The following SYT1 variants were observed in gnomAD, a reference collection of about 807,000 sequenced individuals.
SYT1 encodes synaptotagmin-1.
SYT1 carries 8 observed loss-of-function variants against 44.8 expected under a neutral mutation model. The ratio of observed to expected loss-of-function variants is 0.18; its 90% CI spans 0.10 to 0.32. SYT1 has a LOEUF of 0.32. Ranked by LOEUF, SYT1 falls within the 10% of genes least tolerant of loss-of-function variation. SYT1 has a pLI of 1.00. For synonymous variants in SYT1, 154 were observed against 188.8 expected (o/e 0.82, Z 1.51); for missense variants, 286 against 509.3 (o/e 0.56, Z 4.22).
At chr12:78,895,028 C>T (rs572334243) in intron 1 of SYT1, among the ~76,000 whole-genome samples, 115 of 151,526 alleles carry the variant, frequency 7.6e-4, no homozygotes, top group Admixed American at 3.3e-3. Context: ...TAAACATACA[C>T]AATTTTTATT....
intron 3 of SYT1, among the ~76,000 whole-genome samples, chr12:79,201,715 G>C (rs993188539): frequency 6.6e-6 from 1 of 152,160 alleles, no homozygotes; most frequent in African/African-American, 2.4e-5. Context: ...ACAATCTTGA[G>C]CTACACAATA....
chr12:78,974,442 A>C (rs1339639011), intron 1 of SYT1, among the ~76,000 whole-genome samples: 1 of 151,848 alleles, frequency 6.6e-6, no homozygotes, highest in East Asian at 1.9e-4. Flanking sequence ...TTATTTATTT[A>C]TCTATTTATT....
At chr12:78,982,938 T>A (rs544695373) in intron 2 of SYT1, among the ~76,000 whole-genome samples, 220 of 152,258 alleles carry the variant, frequency 1.4e-3, no homozygotes, top group African/African-American at 5.2e-3. Context: ...CTTCAAACCT[T>A]CTTGTACAGG....
At chr12:79,317,173 C>T (rs1448006812) in intron 8 of SYT1, among the ~76,000 whole-genome samples, 6 of 152,186 alleles carry the variant, frequency 3.9e-5, no homozygotes, top group Admixed American at 3.9e-4. Context: ...TTTTCACTCT[C>T]ACTGCAGGGC....
chr12:79,213,699 C>T (rs886292059), intron 3 of SYT1, among the ~76,000 whole-genome samples: 4 of 152,214 alleles, frequency 2.6e-5, no homozygotes. Context: ...CCGAAGCGGG[C>T]GGATCACTTG....
At chr12:79,263,048 C>T (rs1877919183) in intron 4 of SYT1, among the ~76,000 whole-genome samples, 2 of 152,164 alleles carry the variant, frequency 1.3e-5, no homozygotes, top group South Asian at 4.1e-4. Flanking sequence ...CTTACTGCCC[C>T]CTCTGCAATG....
chr12:79,296,252 T>C lies in SYT1; in HGVS notation c.642+16T>C, dbSNP rs769159446. ...TACTTTCAAGGTATTTGTTAACATT[T>C]ATTTATAACCTTTCCTTTGTTGTTT... On this transcript the variant is annotated intron_variant, in intron 7 of 10. Coordinates refer to ENST00000261205, the MANE Select transcript of SYT1 (RefSeq NM_005639.3). The C allele has an allele frequency of 1.6e-5, 26 of 1,608,918 alleles. No individual in the cohort carries two copies. The highest frequency in any genetic ancestry group is 2.1e-5 in the Non-Finnish European group (25 of 1,177,574).
At chr12:79,278,781 AAG>A (rs1654929221) in intron 4 of SYT1, among the ~76,000 whole-genome samples, 2 of 152,000 alleles carry the variant, frequency 1.3e-5, no homozygotes, top group African/African-American at 4.8e-5. Context: ...AAAAAGAAGA[AAG>A]AGAATTTAAA....
intron 8 of SYT1, among the ~76,000 whole-genome samples, chr12:79,319,913 TC>T (rs1466498272): frequency 6.6e-6 from 1 of 152,228 alleles, no homozygotes; most frequent in Non-Finnish European, 1.5e-5. Flanking sequence ...AGAATATCCA[TC>T]CCTGTAATTA....
chr12:79,266,947 C>T (rs1565882527), intron 4 of SYT1, among the ~76,000 whole-genome samples: 1 of 152,168 alleles, frequency 6.6e-6, no homozygotes, highest in Non-Finnish European at 1.5e-5. Context: ...TGAATCTTCC[C>T]TTTCATGACT....
chr12:78,880,421 C>T (rs1188778639), intron 1 of SYT1, among the ~76,000 whole-genome samples: 1 of 151,604 alleles, frequency 6.6e-6, no homozygotes, highest in Non-Finnish European at 1.5e-5. Context: ...TATCACTTAT[C>T]ACTCTTTGAA....
At chr12:79,414,687 T>A (rs1196371370) in intron 9 of SYT1, among the ~76,000 whole-genome samples, 1 of 151,994 alleles carries the variant, frequency 6.6e-6, no homozygotes, top group African/African-American at 2.4e-5. Flanking sequence ...TGCCTGAAGA[T>A]AAAAGGAATA....
intron 9 of SYT1, among the ~76,000 whole-genome samples, chr12:79,355,989 A>C (rs1000706952): frequency 3.3e-5 from 5 of 152,096 alleles, no homozygotes; most frequent in African/African-American, 1.2e-4. Flanking sequence ...GCTATGGAGC[A>C]GTAAAGCAGG....
intron 3 of SYT1, among the ~76,000 whole-genome samples, chr12:79,201,649 G>A (rs1423508288): frequency 1.3e-5 from 2 of 152,038 alleles, no homozygotes; most frequent in African/African-American, 2.4e-5. Flanking sequence ...TTCTTCCAAC[G>A]ATGCATCATA....
intron 9 of SYT1, among the ~76,000 whole-genome samples, chr12:79,433,516 C>T (rs1354672153): frequency 1.3e-5 from 2 of 151,956 alleles, no homozygotes; most frequent in Non-Finnish European, 2.9e-5. Context: ...CGCTAGTGAC[C>T]TTTCATCTGA....
At position 79,070,037 on chromosome 12, in the gene SYT1, CA is replaced by C. The variant is rs1876157938; in HGVS notation, c.-18+22679del. ...TTCATTTTCATCCTTTCAAATTTTT[CA>C]AAAGCTAATTAAGGTGTCATAGGTA... On this transcript the variant is annotated intron_variant, in intron 3 of 10. Coordinates refer to ENST00000261205, the MANE Select transcript of SYT1 (RefSeq NM_005639.3). Among the ~76,000 whole-genome samples the C allele has an allele frequency of 2.0e-5, 3 of 152,076 alleles. No individual in the cohort carries two copies. The South Asian group carries it at 6.2e-4, about 32-fold the overall frequency.
intron 9 of SYT1, among the ~76,000 whole-genome samples, chr12:79,432,276 A>C (rs951716931): frequency 6.6e-6 from 1 of 151,448 alleles, no homozygotes; most frequent in East Asian, 1.9e-4. Context: ...GGTTTGTTAC[A>C]TATGTATACA....
At chr12:79,038,342 C>G (rs1425336495) in intron 2 of SYT1, among the ~76,000 whole-genome samples, 5 of 151,352 alleles carry the variant, frequency 3.3e-5, no homozygotes, top group Non-Finnish European at 7.4e-5. Flanking sequence ...ATCTACTGTC[C>G]TAATAATGTT....
At chr12:78,889,166 TAAG>T (rs1327497302) in intron 1 of SYT1, among the ~76,000 whole-genome samples, 3 of 151,904 alleles carry the variant, frequency 2.0e-5, no homozygotes, top group African/African-American at 7.2e-5. Flanking sequence ...GAATGTTTGT[TAAG>T]AACTAGTTCA....
Sources: gnomAD v4.1 joint callset for allele counts (sites outside exome capture counted in the v4.1 genomes callset) on GRCh38, gnomAD v4.1.1 for gene constraint, MANE v1.5 for transcripts, NCBI Gene and HGNC (gene_info 2026-07-23, HGNC 2026-07-21) for gene names.